The following CUX1 variants were observed in gnomAD, a reference collection of about 807,000 sequenced individuals.
CUX1 encodes cut like homeobox 1.
In CUX1, 31 loss-of-function variants were observed where a neutral mutation model predicts 158.8. The ratio of observed to expected loss-of-function variants is 0.20; its 90% CI spans 0.15 to 0.26. The LOEUF is 0.26. Ranked by LOEUF, CUX1 falls within the 10% of genes least tolerant of loss-of-function variation. CUX1 has a pLI of 1.00. For synonymous variants in CUX1, 879 were observed against 862.1 expected (o/e 1.02, Z -0.34); for missense variants, 1,589 against 2,014.6 (o/e 0.79, Z 4.04).
At chr7:102,131,871 C>A (rs1554497293) in intron 8 of CUX1, among the ~76,000 whole-genome samples, 1 of 151,858 alleles carries the variant, frequency 6.6e-6, no homozygotes, top group Non-Finnish European at 1.5e-5. Context: ...GGGGTTTCAC[C>A]ATGTTGGCTA....
At chr7:101,904,941 A>T (rs760911663) in intron 1 of CUX1, among the ~76,000 whole-genome samples, 10 of 152,198 alleles carry the variant, frequency 6.6e-5, no homozygotes, top group Non-Finnish European at 1.0e-4. Context: ...TAGCAAGAGG[A>T]AGAGAAACTG....
At chr7:101,905,506 C>T (rs13236072) in intron 1 of CUX1, among the ~76,000 whole-genome samples, 27,487 of 152,142 alleles carry the variant, frequency 0.18, 4,259 homozygotes, top group East Asian at 0.84. Context: ...CACGCTGGTC[C>T]CTTGGATCAG....
chr7:101,872,279 G>A (rs1463469328), intron 1 of CUX1, among the ~76,000 whole-genome samples: 3 of 151,546 alleles, frequency 2.0e-5, no homozygotes, highest in East Asian at 3.9e-4. Context: ...GATTACAGGC[G>A]CCCATCACCA....
At chr7:101,932,647 TA>T (rs765101852) in intron 2 of CUX1, 1 of 453,938 alleles carries the variant, frequency 2.2e-6, no homozygotes, top group Non-Finnish European at 4.4e-6. Context: ...TTCCTTGAAT[TA>T]AAAGCTGCAG....
rs1240771302 is a variant in CUX1 at position 101,939,055 on chromosome 7, ATACATATATATATATATATAT to A, written c.141+22831_141+22851del. 3.1e-3 allele frequency among the ~76,000 whole-genome samples: 238 copies of A among 77,468 alleles called. 4 individuals are homozygous for A. Among genetic ancestry groups the A allele is most frequent in the Admixed American group, 4.9e-3 (28 of 5,686 alleles). 50.8% of individuals were successfully genotyped at this position (77,468 alleles called of 152,430 possible). Reference sequence around the variant, plus strand: ...AAACTCTGTCTCAAAAAAAAAAAAAATACATATATATATATATATATATATATATATATATATATATATATA... The same window carrying A: ...AAACTCTGTCTCAAAAAAAAAAAAAAATATATATATATATATATATATATA... On this transcript the variant is annotated intron_variant, in intron 2 of 23. Coordinates refer to ENST00000292535, the MANE Select transcript of CUX1 (RefSeq NM_181552.4).
chr7:102,210,259 G>C (rs1796388050), intron 20 of CUX1, among the ~76,000 whole-genome samples: 1 of 152,074 alleles, frequency 6.6e-6, no homozygotes, highest in South Asian at 2.1e-4. Context: ...ACCACACCCA[G>C]GTAATTTTTG....
At chr7:102,000,270 G>C (rs929714492) in intron 2 of CUX1, among the ~76,000 whole-genome samples, 6 of 151,664 alleles carry the variant, frequency 4.0e-5, no homozygotes, top group Admixed American at 6.6e-5. Flanking sequence ...TTGGAAAGCA[G>C]CTGCCCTGCA....
chr7:101,900,976 A>C (rs191621285), intron 1 of CUX1, among the ~76,000 whole-genome samples: 12 of 152,314 alleles, frequency 7.9e-5, no homozygotes, highest in African/African-American at 2.6e-4. Context: ...CTTTTTTTTA[A>C]CTTAGAAGAG....
chr7:101,879,572 C>T (rs187919621), intron 1 of CUX1, among the ~76,000 whole-genome samples: 3 of 152,122 alleles, frequency 2.0e-5, no homozygotes. Flanking sequence ...CTTCGGCCTT[C>T]TGGGGCTTAC....
At chr7:101,826,872 ACT>A (rs907298526) in intron 1 of CUX1, among the ~76,000 whole-genome samples, 15 of 151,754 alleles carry the variant, frequency 9.9e-5, no homozygotes, top group African/African-American at 3.6e-4. Context: ...ACAGGCCCCC[ACT>A]CTCTGCCTTG....
At chr7:102,228,575 G>A (rs1261343363) in intron 21 of CUX1, among the ~76,000 whole-genome samples, 4 of 152,080 alleles carry the variant, frequency 2.6e-5, no homozygotes, top group African/African-American at 4.8e-5. Context: ...CAGGAGGATC[G>A]CTTGAGTCCA....
rs780479692 is a variant in CUX1 at position 101,895,891 on chromosome 7, GTTTTTTTTTTGTTTTTGTTTT to G, written c.31-20213_31-20193del. Among the ~76,000 whole-genome samples, 14 of 112,718 alleles carry G rather than the reference GTTTTTTTTTTGTTTTTGTTTT, an allele frequency of 1.2e-4. No individual in the cohort carries two copies. The East Asian group carries it at 1.3e-3, about 10-fold the overall frequency. The allele number at this position is 112,718 out of a possible 152,430, so 73.9% of individuals were successfully genotyped here. On this transcript the variant is annotated intron_variant, in intron 1 of 23. Transcript: ENST00000292535. Reference sequence around the variant, plus strand: ...CACGTTTCCTTGTATCACCTGTAAAGTTTTTTTTTTGTTTTTGTTTTTTTTTTTTTTTTTTGGAGACAGGGT... The same window carrying G: ...CACGTTTCCTTGTATCACCTGTAAAGTTTTTTTTTTTTTTGGAGACAGGGT...
chr7:101,816,158 C>T (rs1489195290), upstream of CUX1: 5 of 901,546 alleles, frequency 5.5e-6, no homozygotes, highest in Non-Finnish European at 6.8e-6. Context: ...GCGGCCTCCG[C>T]CGGGGGCCCC....
rs1479976263 is a variant in CUX1, at chr7:101,913,527, G to A, written c.31-2588G>A. On this transcript the variant is annotated intron_variant, in intron 1 of 23. Transcript: ENST00000292535. ...CAGATCAGCCCAGGGAGGGGCAGGT[G>A]GGGACCGAGGGGGACGGAGGGGGCC... The A allele has an allele frequency of 1.4e-5, 8 of 553,648 alleles. No individual in the cohort carries two copies. The South Asian group carries it at 2.0e-4, about 14-fold the overall frequency. 34.3% of individuals were successfully genotyped at this position (553,648 alleles called of 1,614,324 possible).
chr7:102,102,051 T>C (rs1194449312), intron 5 of CUX1, among the ~76,000 whole-genome samples: 5 of 152,212 alleles, frequency 3.3e-5, no homozygotes, highest in African/African-American at 1.2e-4. Flanking sequence ...TGCCTCACTT[T>C]GGCCTCGTCC....
At chr7:101,968,213 G>T (rs147328059) in intron 2 of CUX1, among the ~76,000 whole-genome samples, 85 of 152,258 alleles carry the variant, frequency 5.6e-4, no homozygotes, top group East Asian at 1.2e-3. Context: ...TACTAGGGTT[G>T]TATCGTTTGT....
chr7:102,250,431 A>C lies in CUX1; in HGVS notation c.*1389A>C. 5.1e-6 allele frequency: 5 copies of C among 985,478 alleles called. No individual in the cohort carries two copies. The highest frequency in any genetic ancestry group is 6.0e-6 in the Non-Finnish European group (5 of 829,976). 61.0% of individuals were successfully genotyped at this position (985,478 alleles called of 1,614,324 possible). On this transcript the variant is annotated 3_prime_UTR_variant, in exon 24 of 24. Coordinates refer to ENST00000292535, the MANE Select transcript of CUX1 (RefSeq NM_181552.4). The stretch of plus-strand genomic sequence containing the variant: ...GCCCTCCCAGGGGAAGACACTCCCC[A>C]GGCCTGGGCAGGGCTTACACGCGCA...
chr7:101,905,937 C>T (rs1463730031), intron 1 of CUX1, among the ~76,000 whole-genome samples: 1 of 151,922 alleles, frequency 6.6e-6, no homozygotes, highest in East Asian at 1.9e-4. Context: ...ATCCTCCCAC[C>T]TCAGCCTCCC....
intron 10 of CUX1, among the ~76,000 whole-genome samples, chr7:102,175,646 G>T (rs535185427): frequency 6.6e-6 from 1 of 151,786 alleles, no homozygotes; most frequent in South Asian, 2.1e-4. Context: ...CTTTCCTTCC[G>T]ACAAGGTCCC....
Sources: allele counts gnomAD v4.1 joint callset (sites outside exome capture counted in the v4.1 genomes callset), GRCh38; gene constraint gnomAD v4.1.1; transcripts MANE v1.5; gene names NCBI Gene and HGNC (gene_info 2026-07-23, HGNC 2026-07-21).